The following SPOCK1 variants were observed in gnomAD, a reference collection of about 807,000 sequenced individuals.
The protein encoded by SPOCK1 is testican-1.
A neutral mutation model predicts 55.3 loss-of-function variants in SPOCK1; 23 were observed. That is an observed-to-expected ratio of 0.42 (90% CI 0.30 to 0.59). SPOCK1 has a LOEUF of 0.59. SPOCK1 is among the 20% of genes least tolerant of loss of function. The pLI is 0.22. For synonymous variants in SPOCK1, 226 were observed against 221.0 expected, an observed-to-expected ratio of 1.02 and a Z score of -0.20; for missense variants, 499 against 552.5, an observed-to-expected ratio of 0.90 and a Z score of 0.97.
At chr5:137,217,843 T>A (rs933835437) in intron 3 of SPOCK1, among the ~76,000 whole-genome samples, 7 of 152,130 alleles carry the variant, frequency 4.6e-5, no homozygotes, top group Admixed American at 6.5e-5. Context: ...ATCCAAGGTA[T>A]CGTGGTTAAT....
At chr5:136,987,347 A>T (rs1487087343) in intron 8 of SPOCK1, among the ~76,000 whole-genome samples, 2 of 152,188 alleles carry the variant, frequency 1.3e-5, no homozygotes, top group Non-Finnish European at 2.9e-5. Flanking sequence ...AACACACAAG[A>T]ACCTGATAGA....
At chr5:137,076,178 G>A (rs78543882) in intron 5 of SPOCK1, among the ~76,000 whole-genome samples, 3,805 of 152,248 alleles carry the variant, frequency 0.025, 175 homozygotes, top group African/African-American at 0.087. Flanking sequence ...GCCAGCTGCA[G>A]CCCTCCCCTC....
In SPOCK1 at chr5:136,988,446, A is replaced by G; in HGVS notation, c.904T>C (p.Cys302Arg). 1 of 1,614,090 alleles carries G rather than the reference A, an allele frequency of 6.2e-7. No homozygotes were observed. The change falls in exon 8 of 11, where the codon TGC becomes CGC. Residue 302 changes from cysteine (C) to arginine (R), a missense_variant. By Grantham distance (180) the Cys-to-Arg change is radical (BLOSUM62 -3). This residue lies in a region of SPOCK1 where 386 missense variants were observed against 400.6 expected (regional missense o/e 0.96). Coordinates refer to ENST00000394945, the MANE Select transcript of SPOCK1 (RefSeq NM_004598.4). ...KDGKLSNNEW[C>R]YCFQKPGGLP... ...CCTCCAGGCTTCTGGAAGCAGTAGCACCACTCATTGTTAGAAAGCTTGCCA... is the reference window on the plus strand; with the variant it reads ...CCTCCAGGCTTCTGGAAGCAGTAGCGCCACTCATTGTTAGAAAGCTTGCCA...
chr5:137,120,905 A>C (rs1402783263), intron 4 of SPOCK1, among the ~76,000 whole-genome samples: 2 of 152,226 alleles, frequency 1.3e-5, no homozygotes, highest in Non-Finnish European at 2.9e-5. Context: ...AAGGAGGCTG[A>C]AGAAAGGAGT....
At position 137,429,143 on chromosome 5, in the gene SPOCK1, C is replaced by T. The variant is rs143354919; in HGVS notation, c.186+69230G>A. Among the ~76,000 whole-genome samples the T allele has an allele frequency of 8.8e-4, 134 of 152,316 alleles. 1 individual carries two copies. The East Asian group carries it at 0.024, about 27-fold the overall frequency. On this transcript the variant is annotated intron_variant, in intron 2 of 10. Transcript: ENST00000394945. ...GCAGTCTTTGCTTTTCTCCTATTCA[C>T]TCATTGTTTTCCCACAGATTGGTCT...
At chr5:137,418,257 A>G (rs1297180868) in intron 2 of SPOCK1, among the ~76,000 whole-genome samples, 3 of 152,140 alleles carry the variant, frequency 2.0e-5, no homozygotes, top group Non-Finnish European at 4.4e-5. Context: ...TAGTGCCGCA[A>G]TAAACACACG....
chr5:137,021,192 A>G (rs1245151051), intron 6 of SPOCK1, among the ~76,000 whole-genome samples: 1 of 152,196 alleles, frequency 6.6e-6, no homozygotes, highest in Admixed American at 6.5e-5. Flanking sequence ...GTTGAATGCT[A>G]CATAACAGCA....
chr5:137,022,345 C>T (rs563584237), intron 6 of SPOCK1, among the ~76,000 whole-genome samples: 13 of 152,254 alleles, frequency 8.5e-5, no homozygotes, highest in South Asian at 2.1e-4. Flanking sequence ...GCTTTTAATA[C>T]GACTCCAGTC....
chr5:136,987,267 T>G (rs1379865944), intron 8 of SPOCK1, among the ~76,000 whole-genome samples: 4 of 152,092 alleles, frequency 2.6e-5, no homozygotes, highest in Non-Finnish European at 5.9e-5. Context: ...CAAAAATGCA[T>G]GAACTGTAAT....
intron 6 of SPOCK1, among the ~76,000 whole-genome samples, chr5:137,036,444 T>G (rs1412316880): frequency 1.3e-5 from 2 of 152,206 alleles, no homozygotes; most frequent in African/African-American, 4.8e-5. Context: ...CTCTCTCTAC[T>G]TTCCTTCCTT....
intron 2 of SPOCK1, among the ~76,000 whole-genome samples, chr5:137,435,679 A>C (rs895339245): frequency 1.3e-5 from 2 of 152,076 alleles, no homozygotes; most frequent in Non-Finnish European, 2.9e-5. Flanking sequence ...TTTATTAGCT[A>C]TTTGTATTTA....
chr5:137,023,745 G>A (rs1055664569), intron 6 of SPOCK1, among the ~76,000 whole-genome samples: 4 of 152,212 alleles, frequency 2.6e-5, no homozygotes, highest in Non-Finnish European at 4.4e-5. Flanking sequence ...CAGCCTAAGT[G>A]ATTTTCTTCC....
chr5:137,331,840 A>G (rs376370685), intron 2 of SPOCK1, among the ~76,000 whole-genome samples: 1 of 152,142 alleles, frequency 6.6e-6, no homozygotes, highest in South Asian at 2.1e-4. Flanking sequence ...GGAGGGGACA[A>G]CAATCCAAAA....
intron 2 of SPOCK1, among the ~76,000 whole-genome samples, chr5:137,278,964 AG>A (rs1422595138): frequency 6.6e-6 from 1 of 152,080 alleles, no homozygotes; most frequent in Non-Finnish European, 1.5e-5. Flanking sequence ...ACTTCCCCCC[AG>A]GGGGAATGCT....
intron 3 of SPOCK1, among the ~76,000 whole-genome samples, chr5:137,197,219 C>T (rs1408171641): frequency 2.0e-5 from 3 of 152,126 alleles, no homozygotes; most frequent in Non-Finnish European, 2.9e-5. Context: ...GCTTCAGGGC[C>T]CTCTCACATC....
chr5:137,497,621 C>A (rs1233191534), intron 2 of SPOCK1, among the ~76,000 whole-genome samples: 1 of 152,156 alleles, frequency 6.6e-6, no homozygotes, highest in East Asian at 1.9e-4. Flanking sequence ...GGAGTGGCAG[C>A]CAGCCTTGAG....
intron 2 of SPOCK1, among the ~76,000 whole-genome samples, chr5:137,486,825 G>A (rs533674743): frequency 1.3e-4 from 20 of 152,314 alleles, no homozygotes; most frequent in African/African-American, 4.8e-4. Flanking sequence ...GAATTTGACC[G>A]TCTTAGTCAT....
chr5:137,490,223 G>A (rs1373656272), intron 2 of SPOCK1, among the ~76,000 whole-genome samples: 2 of 152,212 alleles, frequency 1.3e-5, no homozygotes, highest in African/African-American at 4.8e-5. Flanking sequence ...GTGAATGACA[G>A]GCCCTCTGAC....
At chr5:137,119,741 G>A (rs555540156) in intron 4 of SPOCK1, among the ~76,000 whole-genome samples, 1 of 152,326 alleles carries the variant, frequency 6.6e-6, no homozygotes, top group South Asian at 2.1e-4. Flanking sequence ...AAATTTAAAA[G>A]GACAAATATG....
Sources: gnomAD v4.1 joint callset for allele counts (sites outside exome capture counted in the v4.1 genomes callset) on GRCh38, gnomAD v4.1.1 for gene constraint, gnomAD v4.1.1 regional missense constraint, MANE v1.5 for transcripts, NCBI Gene and HGNC (gene_info 2026-07-23, HGNC 2026-07-21) for gene names.